The following PTPRA variants were observed in gnomAD, a reference collection of about 807,000 sequenced individuals.
PTPRA encodes the protein receptor-type tyrosine-protein phosphatase alpha.
PTPRA carries 25 observed loss-of-function variants against 104.8 expected under a neutral mutation model. The ratio of observed to expected loss-of-function variants is 0.24; its 90% CI spans 0.17 to 0.33. PTPRA has a LOEUF of 0.33. PTPRA is among the 10% of genes least tolerant of loss of function. PTPRA has a pLI of 1.00. For synonymous variants in PTPRA, 323 were observed against 368.9 expected (o/e 0.88, Z 1.43); for missense variants, 765 against 1,015.3 (o/e 0.75, Z 3.35).
At chr20:2,865,086 C>T in the PTPRA span, 74 of 1,614,040 alleles carry the variant, frequency 4.6e-5, no homozygotes, top group Non-Finnish European at 5.7e-5. This position sits in a 1 kb window ranked among gnomAD's most constrained non-coding sequence, Gnocchi z 5.2. Flanking sequence ...AGAGCCTCCT[C>T]GTCTCCTGGT....
At chr20:2,865,558 G>C in the PTPRA span, 1 of 1,490,616 alleles carries the variant, frequency 6.7e-7, no homozygotes, top group South Asian at 1.2e-5. The surrounding 1 kb of genome is among the most constrained non-coding windows in gnomAD (Gnocchi z 5.2). Context: ...GAGAGGGCTA[G>C]GCAGGGAGAC....
At chr20:3,026,511 A>T (rs2065152932) in intron 17 of PTPRA, among the ~76,000 whole-genome samples, 176 bp from the exon 18 acceptor site, 2 of 152,146 alleles carry the variant, frequency 1.3e-5, no homozygotes, top group African/African-American at 4.8e-5. Flanking sequence ...GCATTTCCCA[A>T]ACAGTCTCTT....
intron 1 of PTPRA, among the ~76,000 whole-genome samples, chr20:2,908,277 A>T (rs1468135779): frequency 6.6e-6 from 1 of 152,238 alleles, no homozygotes; most frequent in African/African-American, 2.4e-5. Flanking sequence ...ACAGACAGAC[A>T]GTTGACTCCT....
At position 3,027,781 on chromosome 20, in the gene PTPRA, G is replaced by A; in HGVS notation, c.1860G>A (p.Met620Ile). 6.2e-7 allele frequency: 1 copy of A among 1,614,202 alleles called. No individual in the cohort carries two copies. Residue 620 changes from methionine to isoleucine, a missense_variant, in exon 20 of 24, where the codon ATG (methionine) becomes ATA (isoleucine). This residue lies in a region of PTPRA where 192 missense variants were observed against 227.0 expected (regional missense o/e 0.85). Coordinates refer to ENST00000399903, the MANE Select transcript of PTPRA (RefSeq NM_001385305.1). ...LLHTIEDFWRMIWEWKSCSIV... is the reference protein window; with the variant it reads ...LLHTIEDFWRIIWEWKSCSIV... ...ACACAATTGAGGACTTCTGGCGAAT[G>A]ATCTGGGAGTGGAAATCCTGCTCTA...
At chr20:2,910,405 T>A (rs983329068) in intron 1 of PTPRA, among the ~76,000 whole-genome samples, 3 of 49,270 alleles carry the variant, frequency 6.1e-5, no homozygotes, top group East Asian at 7.7e-4. Flanking sequence ...TATAATATAT[T>A]TTGTATATTA....
intron 9 of PTPRA, among the ~76,000 whole-genome samples, chr20:2,998,215 A>AT (rs1331542738): frequency 1.1e-4 from 17 of 151,070 alleles, no homozygotes; most frequent in African/African-American, 2.9e-4. Flanking sequence ...TCCTGAGAGG[A>AT]ATGGGATAGG....
chr20:3,032,930 T>TA (rs2065575768), intron 20 of PTPRA, among the ~76,000 whole-genome samples: 2 of 151,542 alleles, frequency 1.3e-5, no homozygotes, highest in South Asian at 4.2e-4. Context: ...TTTTTGTCCT[T>TA]ACAGCAGCAT....
chr20:2,877,556 G>A (rs569930151), intron 1 of PTPRA, among the ~76,000 whole-genome samples: 1 of 152,294 alleles, frequency 6.6e-6, no homozygotes, highest in South Asian at 2.1e-4. Context: ...ACCGTGCCCG[G>A]TGAAGAAATG....
chr20:2,872,932 G>A (rs2089465276), upstream of PTPRA, among the ~76,000 whole-genome samples: 1 of 152,222 alleles, frequency 6.6e-6, no homozygotes, highest in Non-Finnish European at 1.5e-5. This position sits in a 1 kb window ranked among gnomAD's most constrained non-coding sequence, Gnocchi z 7.9. Flanking sequence ...TTACCCTGGA[G>A]CTCGGGTGGG....
intron 13 of PTPRA, among the ~76,000 whole-genome samples, chr20:3,018,602 GAA>G (rs927430059): frequency 2.0e-5 from 3 of 151,866 alleles, no homozygotes; most frequent in East Asian, 1.9e-4. Flanking sequence ...AGAACAAAAT[GAA>G]AAGTCTCCCA....
intron 11 of PTPRA, among the ~76,000 whole-genome samples, chr20:3,012,786 C>T (rs2064235551): frequency 6.6e-6 from 1 of 152,196 alleles, no homozygotes; most frequent in Non-Finnish European, 1.5e-5. Flanking sequence ...ACTTATCAAA[C>T]CCTTTTTTTC....
chr20:2,920,119 G>A (rs2060048081), intron 1 of PTPRA, among the ~76,000 whole-genome samples: 1 of 152,212 alleles, frequency 6.6e-6, no homozygotes, highest in Admixed American at 6.5e-5. Context: ...CAATGAGTAG[G>A]TGGTAATTTT....
At chr20:3,008,754 A>C (rs1486611868) in intron 11 of PTPRA, among the ~76,000 whole-genome samples, 2 of 134,596 alleles carry the variant, frequency 1.5e-5, no homozygotes, top group Non-Finnish European at 3.0e-5. Context: ...ACAAAAAAAA[A>C]AAAAACAACT....
chr20:2,971,788 AT>A (rs1322526747), intron 5 of PTPRA, among the ~76,000 whole-genome samples: 1 of 151,700 alleles, frequency 6.6e-6, no homozygotes, highest in Non-Finnish European at 1.5e-5. Flanking sequence ...GATCTGAATG[AT>A]TTTTTTTCTC....
chr20:2,895,681 G>A (rs569555190), intron 1 of PTPRA, among the ~76,000 whole-genome samples: 7 of 151,978 alleles, frequency 4.6e-5, no homozygotes, highest in African/African-American at 1.7e-4. Flanking sequence ...CAAACACCTG[G>A]AATTAGTCTG....
At chr20:2,913,134 A>G (rs1354991053) in intron 1 of PTPRA, among the ~76,000 whole-genome samples, 2 of 152,082 alleles carry the variant, frequency 1.3e-5, no homozygotes, top group African/African-American at 2.4e-5. Flanking sequence ...CCAGCACTTT[A>G]GGATGACGAG....
intron 6 of PTPRA, among the ~76,000 whole-genome samples, chr20:2,975,728 G>T (rs1180511679): frequency 6.6e-6 from 1 of 152,136 alleles, no homozygotes; most frequent in Non-Finnish European, 1.5e-5. Context: ...GTTTAAGCTG[G>T]ACTGCTGAGT....
chr20:2,909,275 C>T (rs2059536698), intron 1 of PTPRA, among the ~76,000 whole-genome samples: 1 of 151,504 alleles, frequency 6.6e-6, no homozygotes, highest in Non-Finnish European at 1.5e-5. Flanking sequence ...AGTGATGGAG[C>T]GAAATCCTGT....
rs540362840 is a variant in PTPRA, at chr20:3,008,500, A to T, written c.906+1080A>T. 1.9e-4 allele frequency among the ~76,000 whole-genome samples: 29 copies of T among 152,236 alleles called. 1 individual carries two copies. In the East Asian group the frequency reaches 5.6e-3, roughly 29 times the overall value. On this transcript the variant is annotated intron_variant, in intron 11 of 23. Coordinates refer to ENST00000399903, the MANE Select transcript of PTPRA (RefSeq NM_001385305.1). ...AGGGAGGAATGAGGAGTGGGTACAG[A>T]GTTTCATCTGGGGAAGATGAAAAAG...
Sources: allele counts gnomAD v4.1 joint callset (sites outside exome capture counted in the v4.1 genomes callset), GRCh38; gene constraint gnomAD v4.1.1; regional missense constraint gnomAD v4.1.1; non-coding constraint Gnocchi (gnomAD v3.1); transcripts MANE v1.5; gene names NCBI Gene and HGNC (gene_info 2026-07-23, HGNC 2026-07-21).